The following ATF7IP variants were observed in gnomAD, a reference collection of about 807,000 sequenced individuals.
ATF7IP encodes activating transcription factor 7 interacting protein, also known as activating transcription factor 7-interacting protein 1.
Under a neutral mutation model 106.4 loss-of-function variants are expected in ATF7IP, and 23 were observed. The ratio of observed to expected loss-of-function variants is 0.22; its 90% CI spans 0.16 to 0.31. ATF7IP has a LOEUF of 0.31. ATF7IP is among the 10% of genes least tolerant of loss of function. The probability of loss-of-function intolerance (pLI) is 1.00; values close to 1 mark genes in which losing one functional copy is unlikely to be tolerated. For synonymous variants in ATF7IP, 542 were observed against 539.0 expected, an observed-to-expected ratio of 1.01 and a Z score of -0.08; for missense variants, 1,334 against 1,524.3, an observed-to-expected ratio of 0.88 and a Z score of 2.08.
chr12:14,497,279 T>C (rs7298305), intron 14 of ATF7IP, among the ~76,000 whole-genome samples: 82,898 of 152,100 alleles, frequency 0.55, 23,119 homozygotes, highest in African/African-American at 0.66. Flanking sequence ...TATTTAAAAA[T>C]GTTACATCAT....
intron 6 of ATF7IP, among the ~76,000 whole-genome samples, chr12:14,453,683 G>A (rs1943297383): frequency 1.3e-5 from 2 of 151,528 alleles, no homozygotes; most frequent in African/African-American, 2.4e-5. Context: ...GGAGTGTAAC[G>A]GCGCAATCTC....
chr12:14,476,945 A>T (rs902761074), intron 11 of ATF7IP, among the ~76,000 whole-genome samples: 1 of 152,200 alleles, frequency 6.6e-6, no homozygotes, highest in Non-Finnish European at 1.5e-5. Flanking sequence ...TGCTGAGTTT[A>T]AAGTTAAATT....
intron 13 of ATF7IP, among the ~76,000 whole-genome samples, chr12:14,488,772 A>C (rs1324523517): frequency 6.6e-6 from 1 of 152,210 alleles, no homozygotes; most frequent in African/African-American, 2.4e-5. Context: ...TTGTACAACC[A>C]GAAGCGCACC....
At chr12:14,413,296 A>G (rs998065641) in intron 1 of ATF7IP, among the ~76,000 whole-genome samples, 6 of 152,196 alleles carry the variant, frequency 3.9e-5, no homozygotes, top group African/African-American at 1.2e-4. Flanking sequence ...TTTAATACTT[A>G]GAAAGCTGCT....
chr12:14,478,561 A>G (rs1368865944), intron 12 of ATF7IP, 89 bp downstream of exon 12: 19 of 1,438,532 alleles, frequency 1.3e-5, no homozygotes, highest in East Asian at 4.6e-5. Flanking sequence ...AAGACAGAAA[A>G]TTAATATTCA....
intron 1 of ATF7IP, among the ~76,000 whole-genome samples, chr12:14,394,223 G>A (rs1247471347): frequency 6.6e-6 from 1 of 152,192 alleles, no homozygotes; most frequent in East Asian, 1.9e-4. Context: ...AGAGTAGAAT[G>A]AGGATAACAT....
chr12:14,439,136 G>A (rs761165463), intron 5 of ATF7IP, among the ~76,000 whole-genome samples: 1 of 152,146 alleles, frequency 6.6e-6, no homozygotes, highest in African/African-American at 2.4e-5. Context: ...GTAGTGTGCT[G>A]TAGTAATCTA....
chr12:14,426,852 G>GAAAAAAAAAAAAAA (rs1941877961), intron 2 of ATF7IP, among the ~76,000 whole-genome samples: 1 of 9,164 alleles, frequency 1.1e-4, no homozygotes, highest in East Asian at 2.5e-3. Context: ...AAAAAAAAAG[G>GAAAAAAAAAAAAAA]ATGGCTTTTT....
chr12:14,399,980 C>T (rs1016765772), intron 1 of ATF7IP, among the ~76,000 whole-genome samples: 63 of 152,000 alleles, frequency 4.1e-4, no homozygotes, highest in African/African-American at 1.3e-3. Context: ...CATGTCTCTC[C>T]GGGGACATAG....
At chr12:14,423,610 C>CT (rs899002552) in intron 1 of ATF7IP, among the ~76,000 whole-genome samples, 20 of 65,632 alleles carry the variant, frequency 3.0e-4, no homozygotes, top group East Asian at 1.3e-3. Context: ...CTTTATCTAC[C>CT]TTTTTTTTGC....
Position 14,424,183 on chromosome 12 carries a change from G to A in ATF7IP, c.268G>A (p.Glu90Lys), listed in dbSNP as rs563425454. 1 of 1,614,176 alleles carries A rather than the reference G, an allele frequency of 6.2e-7. No homozygotes were observed. The highest frequency in any genetic ancestry group is 8.5e-7 in the Non-Finnish European group (1 of 1,180,030). ...TGAAGGAAGTAAAGCAGAATGGAAG[G>A]AAACACCCTGTATCCTAAGTGTTAA... ...DPEGSKAEWK[E>K]TPCILSVNVK... is the part of the protein sequence containing the mutation. Residue 90 changes from glutamate to lysine, a missense_variant, in exon 2 of 15, where the codon GAA (glutamate) becomes AAA (lysine). By Grantham distance (56) the Glu-to-Lys change is moderately conservative (BLOSUM62 1). Around this residue, in one of 10 missense-constraint regions of ATF7IP, gnomAD observed 74 missense variants for 101.9 expected, o/e 0.73. Transcript: ENST00000261168.
chr12:14,451,299 A>G (rs1164353685), intron 6 of ATF7IP, among the ~76,000 whole-genome samples: 1 of 151,788 alleles, frequency 6.6e-6, no homozygotes, highest in East Asian at 1.9e-4. Flanking sequence ...TAGTTAGCCT[A>G]GTTAAGGATT....
chr12:14,406,057 A>G (rs1206740901), intron 1 of ATF7IP, among the ~76,000 whole-genome samples: 1 of 152,182 alleles, frequency 6.6e-6, no homozygotes, highest in Non-Finnish European at 1.5e-5. Context: ...GTTTAAAGTG[A>G]TATTTGATAT....
chr12:14,453,070 G>A (rs551278160), intron 6 of ATF7IP, among the ~76,000 whole-genome samples: 31 of 152,178 alleles, frequency 2.0e-4, no homozygotes, highest in Middle Eastern at 3.4e-3. Flanking sequence ...AGATATCTGC[G>A]TGTTATCTTA....
intron 1 of ATF7IP, among the ~76,000 whole-genome samples, chr12:14,374,741 G>C (rs1287008626): frequency 6.6e-6 from 1 of 152,102 alleles, no homozygotes; most frequent in East Asian, 1.9e-4. Flanking sequence ...ATAGCTCTGT[G>C]ATACAAATCC....
At position 14,456,761 on chromosome 12, in the gene ATF7IP, G is replaced by A. The variant is rs527424014; in HGVS notation, c.2069+127G>A. On this transcript the variant is annotated intron_variant, in intron 7 of 14. Transcript: ENST00000261168. Reference sequence around the variant, plus strand: ...AATAAGTGTTTGGTGTACTTGGTTAGTATATTTTCTTTTTCTGCTTCATTA... The same window carrying A: ...AATAAGTGTTTGGTGTACTTGGTTAATATATTTTCTTTTTCTGCTTCATTA... The A allele has an allele frequency of 3.3e-5, 22 of 667,612 alleles. No individual in the cohort carries two copies. In the African/African-American group the frequency reaches 3.5e-4, roughly 11 times the overall value. 41.4% of individuals were successfully genotyped at this position (667,612 alleles called of 1,614,324 possible).
intron 13 of ATF7IP, among the ~76,000 whole-genome samples, chr12:14,483,294 TAA>T (rs1944486718): frequency 6.6e-6 from 1 of 152,208 alleles, no homozygotes; most frequent in Admixed American, 6.5e-5. Flanking sequence ...ATGGTAATAC[TAA>T]GAGACACCCT....
intron 1 of ATF7IP, among the ~76,000 whole-genome samples, chr12:14,419,729 A>G (rs949797839): frequency 2.0e-5 from 3 of 152,152 alleles, no homozygotes; most frequent in Non-Finnish European, 2.9e-5. Flanking sequence ...AACCCTTAAC[A>G]TAATGTTTTG....
At chr12:14,386,210 G>C (rs1939231371) in intron 1 of ATF7IP, among the ~76,000 whole-genome samples, 1 of 152,002 alleles carries the variant, frequency 6.6e-6, no homozygotes, top group South Asian at 2.1e-4. Flanking sequence ...CAATGATTTT[G>C]TAAATTTAAT....
Sources: allele counts gnomAD v4.1 joint callset (sites outside exome capture counted in the v4.1 genomes callset), GRCh38; gene constraint gnomAD v4.1.1; regional missense constraint gnomAD v4.1.1; transcripts MANE v1.5; gene names NCBI Gene and HGNC (gene_info 2026-07-23, HGNC 2026-07-21).